The following NBDY variants were observed in gnomAD, a reference collection of about 807,000 sequenced individuals.
NBDY encodes negative regulator of P-body association, also known as P-body dissociating protein.
At chrX:56,738,795 A>C (rs2069511130) in intron 2 of NBDY, among the ~76,000 whole-genome samples, 1 of 111,380 alleles carries the variant, frequency 9.0e-6, no homozygotes, top group South Asian at 3.8e-4. Flanking sequence ...ATTCAGCTGT[A>C]CTTTGTCCTC....
intron 2 of NBDY, among the ~76,000 whole-genome samples, chrX:56,789,495 C>A (rs1002205565): frequency 1.1e-4 from 12 of 112,279 alleles, no homozygotes; most frequent in African/African-American, 3.9e-4. Context: ...ATGGCATGCA[C>A]CACACTTGTC....
At chrX:56,734,809 A>AT (rs2069478487) in intron 2 of NBDY, among the ~76,000 whole-genome samples, 1 of 111,839 alleles carries the variant, frequency 8.9e-6, no homozygotes, top group Non-Finnish European at 1.9e-5. Context: ...TTCCCAAGTT[A>AT]TTTTTTCTCG....
At chrX:56,791,721 A>G (rs936175761) in intron 2 of NBDY, among the ~76,000 whole-genome samples, 2 of 111,659 alleles carry the variant, frequency 1.8e-5, no homozygotes, top group African/African-American at 6.5e-5. Context: ...CTACAGTGGC[A>G]TGGACCTTTC....
chrX:56,742,354 TATTTCTGTGAAGA>T (rs2069535744), intron 2 of NBDY, among the ~76,000 whole-genome samples: 1 of 111,941 alleles, frequency 8.9e-6, no homozygotes, highest in South Asian at 3.7e-4. Context: ...TTGTTTTTTC[TATTTCTGTGAAGA>T]ATGTTTTTTG....
chrX:56,797,230 CTTCT>C (rs373158543), intron 2 of NBDY, among the ~76,000 whole-genome samples: 2 of 105,360 alleles, frequency 1.9e-5, no homozygotes, highest in African/African-American at 7.0e-5. Context: ...TTCTTCTTTT[CTTCT>C]TTGACTTCTC....
intron 2 of NBDY, among the ~76,000 whole-genome samples, chrX:56,812,145 A>G (rs746139372): frequency 1.5e-4 from 16 of 108,108 alleles, no homozygotes; most frequent in Non-Finnish European, 1.9e-4. Flanking sequence ...GAAATCACCC[A>G]TCTTCTGCAT....
intron 2 of NBDY, among the ~76,000 whole-genome samples, chrX:56,735,536 A>G (rs2069483904): frequency 8.9e-6 from 1 of 111,744 alleles, no homozygotes; most frequent in East Asian, 2.8e-4. Flanking sequence ...CATTAACAGC[A>G]TTCATAAGCA....
intron 2 of NBDY, among the ~76,000 whole-genome samples, chrX:56,758,802 T>A (rs184931030): frequency 2.1e-4 from 23 of 111,550 alleles, no homozygotes; most frequent in Non-Finnish European, 2.6e-4. Context: ...CAGAGCTCTC[T>A]GGGCTCCTCA....
intron 2 of NBDY, among the ~76,000 whole-genome samples, chrX:56,813,561 G>T (rs978363784): frequency 9.0e-6 from 1 of 111,289 alleles, no homozygotes; most frequent in African/African-American, 3.3e-5. Context: ...CAAGAAACTT[G>T]ACACGGGCAC....
At chrX:56,793,317 C>T (rs2069774162) in intron 2 of NBDY, among the ~76,000 whole-genome samples, 1 of 111,929 alleles carries the variant, frequency 8.9e-6, no homozygotes, top group African/African-American at 3.3e-5. Context: ...CTTTTACTTT[C>T]TGCACTGGTG....
rs201101997 is a variant in NBDY at position 56,800,971 on chromosome X, G to A, written c.*167-16349G>A. ...TACATCTCTCCTCCCACCCATTTCC[G>A]GGGTACTTCCCTACCCAGGCCTTGT... On this transcript the variant is annotated intron_variant, in intron 2 of 2. Coordinates refer to ENST00000374922, the MANE Select transcript of NBDY (RefSeq NM_001348129.2). Among the ~76,000 whole-genome samples, 25 of 110,792 alleles carry A rather than the reference G, an allele frequency of 2.3e-4. No individual in the cohort carries two copies. The East Asian group carries it at 6.6e-3, about 29-fold the overall frequency.
chrX:56,749,616 A>T (rs1434487496), intron 2 of NBDY, among the ~76,000 whole-genome samples: 1 of 105,539 alleles, frequency 9.5e-6, no homozygotes, highest in East Asian at 3.0e-4. Context: ...TGCATACTTC[A>T]TTGTCTTCTA....
Position 56,747,232 on chromosome X carries a change from T to G in NBDY, c.*166+15033T>G, listed in dbSNP as rs758382224. ...GTGCCAGGGTTACAAAAATATAACA[T>G]CTAACTCACCAAGGAGTTCATAAAC... is the stretch of plus-strand genomic sequence containing the variant. On this transcript the variant is annotated intron_variant, in intron 2 of 2. Transcript: ENST00000374922. 8.0e-5 allele frequency among the ~76,000 whole-genome samples: 9 copies of G among 112,085 alleles called. No individual in the cohort carries two copies. The East Asian group carries it at 2.5e-3, about 32-fold the overall frequency.
chrX:56,792,709 A>T (rs1324348901), intron 2 of NBDY, among the ~76,000 whole-genome samples: 2 of 111,434 alleles, frequency 1.8e-5, no homozygotes, highest in East Asian at 5.7e-4. Flanking sequence ...AACTGCCCAC[A>T]ATCTCTTCCA....
At chrX:56,763,908 A>T (rs1487724800) in intron 2 of NBDY, among the ~76,000 whole-genome samples, 1 of 112,475 alleles carries the variant, frequency 8.9e-6, no homozygotes, top group Non-Finnish European at 1.9e-5. Flanking sequence ...TTACAGTTGT[A>T]GTTGGCGTTT....
intron 2 of NBDY, among the ~76,000 whole-genome samples, chrX:56,785,005 A>G (rs751693471): frequency 5.4e-5 from 6 of 111,930 alleles, no homozygotes; most frequent in African/African-American, 1.6e-4. Context: ...CTGGATGTGT[A>G]GGCCGCACTG....
chrX:56,794,563 G>T (rs1286130844), intron 2 of NBDY, among the ~76,000 whole-genome samples: 1 of 110,192 alleles, frequency 9.1e-6, no homozygotes, highest in African/African-American at 3.3e-5. Flanking sequence ...TCTGGGCAGG[G>T]GTCCCAGTGA....
intron 2 of NBDY, among the ~76,000 whole-genome samples, chrX:56,784,994 C>G (rs1377790433): frequency 8.9e-6 from 1 of 111,929 alleles, no homozygotes; most frequent in Non-Finnish European, 1.9e-5. Flanking sequence ...TACAAATCTT[C>G]CTGGATGTGT....
intron 2 of NBDY, among the ~76,000 whole-genome samples, chrX:56,803,290 C>T (rs1017969574): frequency 8.9e-6 from 1 of 111,802 alleles, no homozygotes; most frequent in African/African-American, 3.3e-5. Context: ...CAGGAATTGC[C>T]GGGCAGGAGT....
Sources: gnomAD v4.1 joint callset for allele counts (sites outside exome capture counted in the v4.1 genomes callset) on GRCh38, gnomAD v4.1.1 for gene constraint, MANE v1.5 for transcripts, NCBI Gene and HGNC (gene_info 2026-07-23, HGNC 2026-07-21) for gene names.